The following IPMK variants were observed in gnomAD, a reference collection of about 807,000 sequenced individuals.
IPMK encodes inositol polyphosphate multikinase.
IPMK carries 17 observed loss-of-function variants against 45.8 expected under a neutral mutation model. The observed-to-expected ratio is 0.37, with a 90% CI of 0.25 to 0.56. The LOEUF (loss-of-function observed/expected upper bound fraction) is 0.56, where lower values mean the gene tolerates loss of function less well. IPMK is among the 20% of genes least tolerant of loss of function. IPMK has a pLI of 0.79. For synonymous variants in IPMK, 180 were observed against 184.3 expected (o/e 0.98, Z 0.19); for missense variants, 399 against 498.0 (o/e 0.80, Z 1.89).
chr10:58,209,096 G>A (rs1838118032), intron 4 of IPMK, among the ~76,000 whole-genome samples: 1 of 152,208 alleles, frequency 6.6e-6, no homozygotes, highest in Admixed American at 6.5e-5. Context: ...AACAGGGAGT[G>A]ATTGTGACTC....
intron 1 of IPMK, among the ~76,000 whole-genome samples, chr10:58,252,877 G>A (rs2132175394): frequency 6.6e-6 from 1 of 152,140 alleles, no homozygotes; most frequent in Admixed American, 6.5e-5. Context: ...CTCCCATAGT[G>A]CTAGGATTAC....
chr10:58,223,881 C>T (rs1239669708), intron 3 of IPMK, among the ~76,000 whole-genome samples: 3 of 152,234 alleles, frequency 2.0e-5, no homozygotes, highest in East Asian at 3.9e-4. Context: ...GTAAGACGTG[C>T]CTTGCTTTCC....
Position 58,240,236 on chromosome 10 carries a change from C to T in IPMK, c.191-2422G>A, listed in dbSNP as rs991893366. ...AAAAAAAACTCTAAAACTGAAAAGG[C>T]ACAGTATCTGAAATAAAAAATTTAA... On this transcript the variant is annotated intron_variant, in intron 1 of 5. Transcript: ENST00000373935. Among the ~76,000 whole-genome samples, 37 of 151,950 alleles carry T rather than the reference C, an allele frequency of 2.4e-4. 1 individual carries two copies. The highest frequency in any genetic ancestry group is 8.4e-4 in the African/African-American group (35 of 41,474).
chr10:58,210,128 G>C (rs1838136179), intron 4 of IPMK, among the ~76,000 whole-genome samples: 3 of 152,104 alleles, frequency 2.0e-5, no homozygotes. Context: ...ATGGGGGGTG[G>C]TTCTCAGGCC....
intron 3 of IPMK, among the ~76,000 whole-genome samples, chr10:58,223,164 A>C (rs1169181813): frequency 6.6e-6 from 1 of 152,234 alleles, no homozygotes; most frequent in Non-Finnish European, 1.5e-5. Flanking sequence ...AAAAAATTTA[A>C]AAATAAAGAT....
intron 1 of IPMK, among the ~76,000 whole-genome samples, chr10:58,240,327 C>G (rs527877178): frequency 1.3e-5 from 2 of 150,510 alleles, no homozygotes; most frequent in African/African-American, 4.9e-5. Flanking sequence ...TCACAAAGAC[C>G]AATACAAAAT....
At chr10:58,259,341 T>C (rs1839021595) in intron 1 of IPMK, among the ~76,000 whole-genome samples, 1 of 151,520 alleles carries the variant, frequency 6.6e-6, no homozygotes, top group Non-Finnish European at 1.5e-5. Flanking sequence ...ACAGGAAATA[T>C]CAAAAAGACA....
intron 3 of IPMK, among the ~76,000 whole-genome samples, chr10:58,222,494 G>T (rs577246195): frequency 6.6e-6 from 1 of 152,208 alleles, no homozygotes; most frequent in East Asian, 1.9e-4. Context: ...CTAAGGACTG[G>T]CACTTGTAAA....
At chr10:58,214,990 T>C (rs1838222852) in intron 4 of IPMK, among the ~76,000 whole-genome samples, 1 of 152,216 alleles carries the variant, frequency 6.6e-6, no homozygotes, top group Non-Finnish European at 1.5e-5. Context: ...GTACTAGATT[T>C]TGCCCTATAG....
At chr10:58,253,306 G>A (rs2590344) in intron 1 of IPMK, among the ~76,000 whole-genome samples, 51,537 of 152,084 alleles carry the variant, frequency 0.34, 10,984 homozygotes, top group African/African-American at 0.61. Flanking sequence ...ATCCAGTGTC[G>A]GGTATGTCTT....
intron 1 of IPMK, among the ~76,000 whole-genome samples, chr10:58,253,648 G>A (rs977513721): frequency 5.4e-5 from 8 of 146,862 alleles, no homozygotes; most frequent in South Asian, 4.3e-4. Context: ...TGAGGCGGGA[G>A]AATGCTTGAA....
At chr10:58,199,444 G>GAA in intron 4 of IPMK, 123 bp from the exon 5 acceptor site, 41 of 423,468 alleles carry the variant, frequency 9.7e-5, no homozygotes, top group South Asian at 2.3e-4. Flanking sequence ...GATTTGAGAA[G>GAA]AAAAAAAAAA....
intron 5 of IPMK, among the ~76,000 whole-genome samples, chr10:58,197,205 CAGG>C (rs1364067827): frequency 2.0e-5 from 3 of 151,664 alleles, no homozygotes; most frequent in Non-Finnish European, 4.4e-5. Context: ...GACGCTGAGG[CAGG>C]AGAATGGTGT....
At chr10:58,215,911 T>C (rs1438966675) in intron 4 of IPMK, among the ~76,000 whole-genome samples, 2 of 152,160 alleles carry the variant, frequency 1.3e-5, no homozygotes, top group Non-Finnish European at 2.9e-5. Context: ...TCCATCCATT[T>C]ATTTATCAAT....
At chr10:58,259,869 C>T (rs866728592) in intron 1 of IPMK, among the ~76,000 whole-genome samples, 4 of 151,650 alleles carry the variant, frequency 2.6e-5, no homozygotes, top group African/African-American at 7.3e-5. Context: ...AAATGTAACA[C>T]GAATGATAGT....
At chr10:58,200,500 T>C (rs1172095007) in intron 4 of IPMK, among the ~76,000 whole-genome samples, 1 of 152,156 alleles carries the variant, frequency 6.6e-6, no homozygotes, top group African/African-American at 2.4e-5. Context: ...CAAGAAAAGT[T>C]AAAATAAGAT....
intron 2 of IPMK, among the ~76,000 whole-genome samples, chr10:58,234,559 A>T (rs1043501859): frequency 3.9e-5 from 6 of 152,236 alleles, no homozygotes; most frequent in African/African-American, 1.4e-4. Flanking sequence ...AAAACAAGCA[A>T]TGGGGAAAGG....
In IPMK at chr10:58,192,680, C is replaced by T. The variant is rs577001018; in HGVS notation, c.*3396G>A. 2 of 151,976 alleles carry T rather than the reference C, an allele frequency of 1.3e-5. No homozygotes were observed. The highest frequency in any genetic ancestry group is 2.9e-5 in the Non-Finnish European group (2 of 67,912). 9.4% of individuals were successfully genotyped at this position (151,976 alleles called of 1,614,324 possible). On this transcript the variant is annotated 3_prime_UTR_variant, in exon 6 of 6. Transcript: ENST00000373935. ...TACTGGGGGCTAAAAATGCTTAATA[C>T]ATGGCATAAATCCAAGGAATATTTT...
At chr10:58,253,482 A>T (rs1838914903) in intron 1 of IPMK, among the ~76,000 whole-genome samples, 1 of 152,062 alleles carries the variant, frequency 6.6e-6, no homozygotes, top group South Asian at 2.1e-4. Flanking sequence ...TAATCCTAGC[A>T]CTTTGGGAGG....
Sources: gnomAD v4.1 joint callset for allele counts (sites outside exome capture counted in the v4.1 genomes callset) on GRCh38, gnomAD v4.1.1 for gene constraint, MANE v1.5 for transcripts, NCBI Gene and HGNC (gene_info 2026-07-23, HGNC 2026-07-21) for gene names.